The following NRCAM variants were observed in gnomAD, a reference collection of about 807,000 sequenced individuals.
NRCAM encodes neuronal cell adhesion molecule.
In NRCAM, 83 loss-of-function variants were observed where a neutral mutation model predicts 156.5. That is an observed-to-expected ratio of 0.53 (90% CI 0.44 to 0.64). The LOEUF is 0.64. NRCAM is among the 30% of genes least tolerant of loss of function. The probability of loss-of-function intolerance (pLI) is 0.00; values close to 1 mark genes in which losing one functional copy is unlikely to be tolerated. For missense variants in NRCAM, 1,417 were observed against 1,597.3 expected, an observed-to-expected ratio of 0.89 and a Z score of 1.92; for synonymous variants, 538 against 563.9, an observed-to-expected ratio of 0.95 and a Z score of 0.65.
At chr7:108,263,165 C>T (rs2096948092) in intron 3 of NRCAM, among the ~76,000 whole-genome samples, 1 of 152,192 alleles carries the variant, frequency 6.6e-6, no homozygotes, top group Admixed American at 6.5e-5. Flanking sequence ...CAGAAAACCC[C>T]CAATTTCATC....
chr7:108,249,905 A>G (rs879276486), intron 3 of NRCAM, among the ~76,000 whole-genome samples: 2 of 152,214 alleles, frequency 1.3e-5, no homozygotes, highest in African/African-American at 2.4e-5. Context: ...TTCAAAGAGC[A>G]CTTTAGGTAG....
At chr7:108,449,492 G>A (rs1039950722) in intron 1 of NRCAM, among the ~76,000 whole-genome samples, 3 of 152,260 alleles carry the variant, frequency 2.0e-5, no homozygotes, top group Non-Finnish European at 4.4e-5. Context: ...GGCACACCAG[G>A]TTTTGGAAGG....
At chr7:108,421,186 T>C (rs1809195586) in intron 1 of NRCAM, among the ~76,000 whole-genome samples, 1 of 152,110 alleles carries the variant, frequency 6.6e-6, no homozygotes, top group Non-Finnish European at 1.5e-5. Context: ...TGTGTGTGTA[T>C]AAAACGTGTA....
chr7:108,329,705 T>G (rs1361740786), intron 2 of NRCAM, among the ~76,000 whole-genome samples: 1 of 152,136 alleles, frequency 6.6e-6, no homozygotes. Context: ...ACAATCAACA[T>G]GTAACCTAAT....
intron 3 of NRCAM, among the ~76,000 whole-genome samples, chr7:108,245,419 C>T (rs146688745): frequency 6.6e-6 from 1 of 152,316 alleles, no homozygotes; most frequent in African/African-American, 2.4e-5. Context: ...CTTCTTCACA[C>T]CAGATTCTAT....
intron 2 of NRCAM, among the ~76,000 whole-genome samples, chr7:108,327,773 A>C (rs1593548765): frequency 6.6e-6 from 1 of 152,294 alleles, no homozygotes; most frequent in East Asian, 1.9e-4. Flanking sequence ...AGGAGAATCA[A>C]TACAAAAAAC....
At chr7:108,257,047 G>A (rs1339401022) in intron 3 of NRCAM, among the ~76,000 whole-genome samples, 1 of 138,550 alleles carries the variant, frequency 7.2e-6, no homozygotes, top group Admixed American at 7.2e-5. Context: ...AGAAAAGAAG[G>A]AAGGGAGGGA....
chr7:108,218,250 C>T (rs2090528982), intron 11 of NRCAM, among the ~76,000 whole-genome samples: 1 of 151,698 alleles, frequency 6.6e-6, no homozygotes, highest in Admixed American at 6.6e-5. Flanking sequence ...GGCTCGCCCT[C>T]TGTGGGCTGC....
At chr7:108,323,738 C>G (rs2099030352) in intron 2 of NRCAM, among the ~76,000 whole-genome samples, 1 of 151,898 alleles carries the variant, frequency 6.6e-6, no homozygotes, top group Non-Finnish European at 1.5e-5. Flanking sequence ...AATAAGTAAA[C>G]AAATATTGTG....
intron 5 of NRCAM, among the ~76,000 whole-genome samples, chr7:108,236,805 C>A (rs1369468940): frequency 4.6e-5 from 7 of 151,866 alleles, no homozygotes; most frequent in Non-Finnish European, 1.0e-4. Flanking sequence ...TGGAATTCCA[C>A]ATCCAAGGAA....
chr7:108,341,239 G>C (rs536700226), intron 2 of NRCAM, among the ~76,000 whole-genome samples: 12 of 152,334 alleles, frequency 7.9e-5, no homozygotes, highest in African/African-American at 2.9e-4. Flanking sequence ...GACTGAGGGT[G>C]CCTGGGGCAA....
In NRCAM at chr7:108,206,079, C is replaced by T. The variant is rs569465229; in HGVS notation, c.1207+1449G>A. On this transcript the variant is annotated intron_variant, in intron 13 of 32. Coordinates refer to ENST00000379028, the MANE Select transcript of NRCAM (RefSeq NM_001037132.4). ...GCTGGCCTCTAGCATCTGTTTTCTC[C>T]CAGGAATACACTTCCTTCTACAGTG... is the stretch of plus-strand genomic sequence containing the variant. Among the ~76,000 whole-genome samples, 11 of 152,142 alleles carry T rather than the reference C, an allele frequency of 7.2e-5. No individual in the cohort carries two copies. In the South Asian group the frequency reaches 2.3e-3, roughly 32 times the overall value.
intron 28 of NRCAM, among the ~76,000 whole-genome samples, chr7:108,170,177 T>C (rs901332213): frequency 3.9e-5 from 6 of 151,954 alleles, no homozygotes; most frequent in Admixed American, 1.3e-4. Context: ...AATTACCATA[T>C]ATATATATAT....
At chr7:108,340,297 C>T (rs1391583026) in intron 2 of NRCAM, among the ~76,000 whole-genome samples, 1 of 152,198 alleles carries the variant, frequency 6.6e-6, no homozygotes, top group African/African-American at 2.4e-5. Context: ...TCGGCCCAGC[C>T]AGAGTGCATG....
At chr7:108,306,340 T>C (rs1275237184) in intron 3 of NRCAM, among the ~76,000 whole-genome samples, 1 of 152,192 alleles carries the variant, frequency 6.6e-6, no homozygotes, top group Non-Finnish European at 1.5e-5. Context: ...GATGAATTTG[T>C]TTGCTTTGCT....
At chr7:108,433,203 C>T (rs1296347111) in intron 1 of NRCAM, among the ~76,000 whole-genome samples, 2 of 152,050 alleles carry the variant, frequency 1.3e-5, no homozygotes, top group Non-Finnish European at 2.9e-5. Flanking sequence ...CTTCCATATC[C>T]CCTCAACTCC....
chr7:108,310,685 A>G (rs1195178563), intron 3 of NRCAM, among the ~76,000 whole-genome samples: 1 of 152,230 alleles, frequency 6.6e-6, no homozygotes, highest in East Asian at 1.9e-4. Context: ...AGTGTGCTTT[A>G]GAATTTTGGG....
chr7:108,181,029 G>A (rs55945586), intron 24 of NRCAM, among the ~76,000 whole-genome samples: 2,549 of 151,964 alleles, frequency 0.017, 71 homozygotes, highest in African/African-American at 0.057. Context: ...ACTTTTTTTT[G>A]TATTCGATTG....
Position 108,232,438 on chromosome 7 carries a change from T to C in NRCAM, c.315A>G (p.Ile105Met), listed in dbSNP as rs1562864744. The C allele has an allele frequency of 6.2e-7, 1 of 1,612,910 alleles. No homozygotes were observed. The highest frequency in any genetic ancestry group is 8.5e-7 in the Non-Finnish European group (1 of 1,179,026). Residue 105 changes from isoleucine (I) to methionine (M), a missense_variant, in exon 7 of 33, where the codon ATA becomes ATG. Physicochemically the swap from Ile to Met is conservative, Grantham distance 10. This residue lies in a region of NRCAM where 1,238 missense variants were observed against 1,336.4 expected (regional missense o/e 0.93). Coordinates refer to ENST00000379028, the MANE Select transcript of NRCAM (RefSeq NM_001037132.4). ...VTMKPGTGTL[I>M]INIMSEGKAE... is the part of the protein sequence containing the mutation. ...CTTTCCCTTCGCTCATGATGTTAAT[T>C]ATGAGCGTTCCTGTGCCAGGCTTCA...
Sources: allele counts gnomAD v4.1 joint callset (sites outside exome capture counted in the v4.1 genomes callset), GRCh38; gene constraint gnomAD v4.1.1; regional missense constraint gnomAD v4.1.1; transcripts MANE v1.5; gene names NCBI Gene and HGNC (gene_info 2026-07-23, HGNC 2026-07-21).